NPHP1: variants seen among roughly 807,000 people sequenced by gnomAD.
The protein encoded by NPHP1 is nephrocystin-1.
Under a neutral mutation model 90.4 loss-of-function variants are expected in NPHP1, and 70 were observed. The observed-to-expected ratio is 0.77, with a 90% CI of 0.64 to 0.95. NPHP1 has a LOEUF of 0.95. Ranked by LOEUF, NPHP1 falls within the 40% of genes least tolerant of loss-of-function variation. The probability of loss-of-function intolerance (pLI) is 0.00; values close to 1 mark genes in which losing one functional copy is unlikely to be tolerated. For synonymous variants in NPHP1, 256 were observed against 271.7 expected (o/e 0.94, Z 0.57); for missense variants, 764 against 795.9 (o/e 0.96, Z 0.48).
At chr2:110,164,574 T>C in intron 8 of NPHP1, 114 bp downstream of exon 8, 1 of 1,604,274 alleles carries the variant, frequency 6.2e-7, no homozygotes, top group Non-Finnish European at 8.5e-7. Context: ...GTACATTCCA[T>C]GCCCTGAACC....
chr2:110,203,042 C>A (rs1418781377), intron 1 of NPHP1, among the ~76,000 whole-genome samples: 1 of 152,054 alleles, frequency 6.6e-6, no homozygotes, highest in Non-Finnish European at 1.5e-5. Flanking sequence ...CAATGGTGGA[C>A]TGGATAAAGA....
rs1679180191 is a variant in NPHP1, at chr2:110,124,072, A to C, written c.1762-9T>G. ...AGGAACTCTTTGTCTCTCTGGGAAA[A>C]CACCACCCCCACAAATAACATTGTT... On this transcript the variant is annotated splice_polypyrimidine_tract_variant and intron_variant, in intron 19 of 19. Coordinates refer to ENST00000445609, the MANE Select transcript of NPHP1 (RefSeq NM_001128178.3). 2 of 1,613,870 alleles carry C rather than the reference A, an allele frequency of 1.2e-6. No individual in the cohort carries two copies. Among genetic ancestry groups the C allele is most frequent in the Non-Finnish European group, 1.7e-6 (2 of 1,179,768 alleles).
At chr2:110,128,884 C>T (rs1574055295) in intron 18 of NPHP1, 1 of 408,950 alleles carries the variant, frequency 2.4e-6, no homozygotes, top group East Asian at 4.6e-5. Context: ...ATCTTACAGA[C>T]CATTTTGGAT....
chr2:110,141,951 G>A (rs1254125501), intron 16 of NPHP1, among the ~76,000 whole-genome samples: 1 of 146,704 alleles, frequency 6.8e-6, no homozygotes, highest in Non-Finnish European at 1.5e-5. Context: ...CCAGCCTGGG[G>A]GACAGAGCCA....
At chr2:110,172,689 G>A (rs937019746) in intron 4 of NPHP1, among the ~76,000 whole-genome samples, 1 of 151,996 alleles carries the variant, frequency 6.6e-6, no homozygotes, top group African/African-American at 2.4e-5. Context: ...AGGCGGAGGT[G>A]GAGAGGATCA....
chr2:110,140,544 T>C (rs981044894), intron 16 of NPHP1, among the ~76,000 whole-genome samples: 4 of 152,062 alleles, frequency 2.6e-5, no homozygotes, highest in African/African-American at 7.2e-5. Flanking sequence ...AAACCAGTAT[T>C]TGGGGGCCAA....
chr2:110,134,240 A>G (rs1679999022), intron 16 of NPHP1, among the ~76,000 whole-genome samples: 1 of 152,052 alleles, frequency 6.6e-6, no homozygotes, highest in African/African-American at 2.4e-5. Flanking sequence ...AAGTTGGATG[A>G]CCTAAATGAA....
intron 4 of NPHP1, among the ~76,000 whole-genome samples, chr2:110,172,410 T>C (rs1237932937): frequency 6.6e-6 from 1 of 152,146 alleles, no homozygotes; most frequent in African/African-American, 2.4e-5. Flanking sequence ...TTGGGTTTGT[T>C]GTCCTTTTTC....
intron 16 of NPHP1, among the ~76,000 whole-genome samples, chr2:110,141,679 A>G (rs1277018559): frequency 6.6e-6 from 1 of 152,056 alleles, no homozygotes; most frequent in Non-Finnish European, 1.5e-5. Flanking sequence ...CATTTTGAAA[A>G]CAGTTTGGTA....
rs756746989 is a variant in NPHP1 at position 110,169,789 on chromosome 2, A to G, written c.522+17T>C. 6.4e-7 allele frequency: 1 copy of G among 1,573,962 alleles called. No homozygotes were observed. Among genetic ancestry groups the G allele is most frequent in the South Asian group, 1.1e-5 (1 of 90,296 alleles). On this transcript the variant is annotated intron_variant, in intron 5 of 19. Transcript: ENST00000445609. ...GACATCGACCCTTAGGTTAGGTTTCAGTCTTATTCTACCTACCTTAAATGT... is the reference window on the plus strand; with the variant it reads ...GACATCGACCCTTAGGTTAGGTTTCGGTCTTATTCTACCTACCTTAAATGT...
intron 11 of NPHP1, among the ~76,000 whole-genome samples, chr2:110,154,131 T>C (rs560219120): frequency 2.2e-3 from 342 of 152,266 alleles, no homozygotes; most frequent in African/African-American, 8.1e-3. Context: ...GGGATGGGTC[T>C]TTCCTGCGCT....
Position 110,123,691 on chromosome 2 carries a change from T to G in NPHP1, c.*100A>C, listed in dbSNP as rs1679135974. The G allele has an allele frequency of 2.5e-6, 3 of 1,195,976 alleles. No homozygotes were observed. The highest frequency in any genetic ancestry group is 1.5e-5 in the African/African-American group (1 of 66,756). 74.1% of individuals were successfully genotyped at this position (1,195,976 alleles called of 1,614,324 possible). A position where few individuals can be genotyped will look rare whatever the true frequency, so the allele number is the denominator to read the frequency against. On this transcript the variant is annotated 3_prime_UTR_variant, in exon 20 of 20. Coordinates refer to ENST00000445609, the MANE Select transcript of NPHP1 (RefSeq NM_001128178.3). ...TAGAAAGAAAAGAGTAAAACCTAAG[T>G]TGTAAAGTGACAGTGATTTTTGGTT...
chr2:110,157,436 G>A (rs1048110637), intron 11 of NPHP1, among the ~76,000 whole-genome samples: 2 of 152,034 alleles, frequency 1.3e-5, no homozygotes, highest in South Asian at 4.2e-4. Flanking sequence ...CATAACATAA[G>A]TTCATTTCTT....
chr2:110,144,538 G>T lies in NPHP1; in HGVS notation c.1384C>A (p.Pro462Thr). ...TCCACTTCAATACCTTTTTCATAAG[G>T]AGTACCACCATTCAAGAAAAGCTCA... ...TYELFLNGGT[P>T]YEKGIEVDPS... is the part of the protein sequence containing the mutation. The change falls in exon 15 of 20, where the codon CCT becomes ACT. Residue 462 changes from proline to threonine, a missense_variant. Transcript: ENST00000445609. The T allele has an allele frequency of 4.4e-6, 7 of 1,605,376 alleles. No homozygotes were observed. Among genetic ancestry groups the T allele is most frequent in the Non-Finnish European group, 6.0e-6 (7 of 1,172,310 alleles).
chr2:110,156,695 C>T (rs1201195027), intron 11 of NPHP1, among the ~76,000 whole-genome samples: 3 of 151,802 alleles, frequency 2.0e-5, no homozygotes, highest in Non-Finnish European at 2.9e-5. Context: ...GGAGCTGACT[C>T]AAACATTACT....
chr2:110,188,112 A>G (rs1238631120), intron 2 of NPHP1, among the ~76,000 whole-genome samples: 2 of 152,194 alleles, frequency 1.3e-5, no homozygotes, highest in African/African-American at 2.4e-5. Flanking sequence ...GCACAAGACA[A>G]GGATGCCCTC....
At chr2:110,161,749 CA>C in intron 9 of NPHP1, 52 bp from the exon 10 acceptor site, 1 of 1,324,432 alleles carries the variant, frequency 7.6e-7, no homozygotes, top group Non-Finnish European at 1.1e-6. Flanking sequence ...AACTCCAAAT[CA>C]AAAATCCATA....
chr2:110,167,892 A>G (rs1219230966), intron 6 of NPHP1, among the ~76,000 whole-genome samples: 1 of 152,138 alleles, frequency 6.6e-6, no homozygotes, highest in Non-Finnish European at 1.5e-5. Flanking sequence ...GTCAGAGAAA[A>G]ACCACATACT....
intron 2 of NPHP1, among the ~76,000 whole-genome samples, chr2:110,181,578 CAGAAAACAACAACA>C (rs1467030158): frequency 1.3e-5 from 2 of 152,060 alleles, no homozygotes; most frequent in Non-Finnish European, 2.9e-5. Flanking sequence ...GAAAAACAAA[CAGAAAACAACAACA>C]ACAACATCAA....
Sources: allele counts gnomAD v4.1 joint callset (sites outside exome capture counted in the v4.1 genomes callset), GRCh38; gene constraint gnomAD v4.1.1; transcripts MANE v1.5; gene names NCBI Gene and HGNC (gene_info 2026-07-23, HGNC 2026-07-21).